STPG2: variants seen among roughly 807,000 people sequenced by gnomAD.
STPG2 encodes sperm tail PG-rich repeat containing 2.
Under a neutral mutation model 54.2 loss-of-function variants are expected in STPG2, and 56 were observed. The observed-to-expected ratio is 1.03, with a 90% CI of 0.83 to 1.29. The LOEUF is 1.29. STPG2 is among the 50% of genes most tolerant of loss of function. STPG2 has a pLI of 0.00. For missense variants in STPG2, 596 were observed against 544.9 expected (o/e 1.09, Z -0.93); for synonymous variants, 200 against 181.8 (o/e 1.10, Z -0.81).
At chr4:97,962,092 C>T (rs573598335) in intron 7 of STPG2, among the ~76,000 whole-genome samples, 12 of 151,984 alleles carry the variant, frequency 7.9e-5, no homozygotes, top group African/African-American at 1.9e-4. Flanking sequence ...TTATTCTTAG[C>T]GAAGTAACTC....
intron 4 of STPG2, among the ~76,000 whole-genome samples, chr4:97,501,188 A>G (rs1037185476): frequency 1.3e-5 from 2 of 152,106 alleles, no homozygotes; most frequent in Non-Finnish European, 2.9e-5. Context: ...TTAGATCAAA[A>G]TATCTAGCCT....
intron 5 of STPG2, among the ~76,000 whole-genome samples, chr4:98,104,801 A>G (rs1322876567): frequency 6.6e-6 from 1 of 152,244 alleles, no homozygotes; most frequent in East Asian, 1.9e-4. Context: ...TTTAAACTGT[A>G]CATTAGATCT....
intron 10 of STPG2, among the ~76,000 whole-genome samples, chr4:97,595,533 T>G (rs1446622233): frequency 3.3e-5 from 5 of 151,598 alleles, no homozygotes; most frequent in African/African-American, 9.7e-5. Context: ...CACCAACATG[T>G]CACATGTATA....
At chr4:97,752,883 T>C (rs1033872469) in intron 9 of STPG2, among the ~76,000 whole-genome samples, 3 of 151,900 alleles carry the variant, frequency 2.0e-5, no homozygotes, top group African/African-American at 4.8e-5. Context: ...GTTCTCTAAA[T>C]TCATAAAGCC....
chr4:97,900,452 C>A (rs748860754), intron 8 of STPG2, among the ~76,000 whole-genome samples: 3 of 151,670 alleles, frequency 2.0e-5, no homozygotes, highest in Non-Finnish European at 4.4e-5. Flanking sequence ...AATCATTCTA[C>A]CATAAAAACA....
At chr4:97,446,253 A>C (rs1477444719) in intron 4 of STPG2, among the ~76,000 whole-genome samples, 5 of 152,236 alleles carry the variant, frequency 3.3e-5, no homozygotes, top group African/African-American at 1.2e-4. Context: ...GGCAAATGAA[A>C]AACAGACTTT....
intron 4 of STPG2, among the ~76,000 whole-genome samples, chr4:97,488,904 T>C (rs186823835): frequency 5.9e-5 from 9 of 151,796 alleles, no homozygotes; most frequent in Non-Finnish European, 8.9e-5. Flanking sequence ...CAGTTATATA[T>C]TGACAAATAG....
At chr4:97,520,483 C>G (rs1242706097) in intron 4 of STPG2, among the ~76,000 whole-genome samples, 1 of 152,042 alleles carries the variant, frequency 6.6e-6, no homozygotes, top group African/African-American at 2.4e-5. Context: ...TAATAACCAC[C>G]TTTGGATCCT....
At chr4:97,739,295 T>C (rs1311237850) in intron 9 of STPG2, among the ~76,000 whole-genome samples, 1 of 151,822 alleles carries the variant, frequency 6.6e-6, no homozygotes, top group Non-Finnish European at 1.5e-5. Flanking sequence ...AACATCACAA[T>C]TAAAAGAACT....
At chr4:97,992,832 G>A (rs1468804092) in intron 5 of STPG2, among the ~76,000 whole-genome samples, 1 of 151,836 alleles carries the variant, frequency 6.6e-6, no homozygotes, top group Non-Finnish European at 1.5e-5. Context: ...ATATACCTAA[G>A]TATTTTTTAA....
At chr4:97,939,512 G>T (rs985006816) in intron 8 of STPG2, among the ~76,000 whole-genome samples, 2 of 152,170 alleles carry the variant, frequency 1.3e-5, no homozygotes, top group East Asian at 3.8e-4. Context: ...ATTTAGAATA[G>T]CTAGGTCTTC....
intron 10 of STPG2, among the ~76,000 whole-genome samples, chr4:97,635,224 C>T (rs1721466578): frequency 6.6e-6 from 1 of 152,142 alleles, no homozygotes. Context: ...CCCAGAATTT[C>T]ATATCCAGCC....
chr4:97,536,593 C>A, intron 4 of STPG2, among the ~76,000 whole-genome samples: 1 of 152,094 alleles, frequency 6.6e-6, no homozygotes, highest in Non-Finnish European at 1.5e-5. Context: ...TAGTGCATAC[C>A]AAGCAAGGAA....
chr4:98,022,116 T>A (rs374942392), intron 5 of STPG2, among the ~76,000 whole-genome samples: 2 of 149,210 alleles, frequency 1.3e-5, no homozygotes, highest in Admixed American at 6.7e-5. Flanking sequence ...CTAGCCTTGA[T>A]GGTCTTTACA....
chr4:97,637,007 C>A (rs1291544915), intron 10 of STPG2, among the ~76,000 whole-genome samples: 1 of 152,144 alleles, frequency 6.6e-6, no homozygotes, highest in Admixed American at 6.5e-5. Context: ...CCAGCATCAT[C>A]CTGATACCAA....
At chr4:98,018,499 G>A (rs1179572909) in intron 5 of STPG2, among the ~76,000 whole-genome samples, 2 of 152,192 alleles carry the variant, frequency 1.3e-5, no homozygotes, top group Non-Finnish European at 2.9e-5. Flanking sequence ...TGTCTTTATA[G>A]CAGCATGATT....
intron 10 of STPG2, among the ~76,000 whole-genome samples, chr4:97,615,857 G>T (rs192065203): frequency 6.6e-6 from 1 of 150,488 alleles, no homozygotes; most frequent in African/African-American, 2.4e-5. Context: ...CTAACATGGC[G>T]AAACCCGATC....
intron 10 of STPG2, among the ~76,000 whole-genome samples, chr4:97,693,760 T>C (rs892608578): frequency 1.3e-5 from 2 of 152,156 alleles, no homozygotes; most frequent in Admixed American, 6.5e-5. Flanking sequence ...GACCATATGA[T>C]AGAACACAAA....
intron 10 of STPG2, among the ~76,000 whole-genome samples, chr4:97,569,238 C>T (rs1226896755): frequency 6.6e-6 from 1 of 152,084 alleles, no homozygotes; most frequent in Non-Finnish European, 1.5e-5. Context: ...CTGGACATTG[C>T]CAGGGCGTTT....
Sources: allele counts gnomAD v4.1 joint callset (sites outside exome capture counted in the v4.1 genomes callset), GRCh38; gene constraint gnomAD v4.1.1; transcripts MANE v1.5; gene names NCBI Gene and HGNC (gene_info 2026-07-23, HGNC 2026-07-21).